Variants in KIF14 observed in about 807,000 individuals in gnomAD.
KIF14 encodes kinesin family member 14.
KIF14 carries 98 observed loss-of-function variants against 176.2 expected under a neutral mutation model. The ratio of observed to expected loss-of-function variants is 0.56; its 90% CI spans 0.47 to 0.66. The LOEUF (loss-of-function observed/expected upper bound fraction) is 0.66, where lower values mean the gene tolerates loss of function less well. KIF14 is among the 30% of genes least tolerant of loss of function. The pLI, the probability that KIF14 is intolerant of heterozygous loss-of-function variation, is 0.00. For missense variants in KIF14, 1,751 were observed against 1,920.4 expected (o/e 0.91, Z 1.65); for synonymous variants, 566 against 632.2 (o/e 0.90, Z 1.57).
rs1660515896 is a variant in KIF14, at chr1:200,618,340, A to C, written c.384T>G (p.Asp128Glu). 4.3e-6 allele frequency: 7 copies of C among 1,613,988 alleles called. No homozygotes were observed. The highest frequency in any genetic ancestry group is 1.6e-4 in the Middle Eastern group (1 of 6,062). ...CAGCTGTTTTCCACTTTTCTGCAGA[A>C]TCTGTTTTAGCACGACGTTGTAATG... ...RLTLQRRAKT[D>E]SAEKWKTAEI... Residue 128 changes from aspartate to glutamate, a missense_variant, in exon 2 of 30, where the codon GAT (aspartate) becomes GAG (glutamate). By Grantham distance (45) the Asp-to-Glu change is conservative. Transcript: ENST00000367350.
intron 23 of KIF14, among the ~76,000 whole-genome samples, chr1:200,566,921 T>C (rs1657487201): frequency 6.6e-6 from 1 of 152,088 alleles, no homozygotes. Flanking sequence ...ATGCCTGTAA[T>C]CCCAGCACTT....
At position 200,565,547 on chromosome 1, in the gene KIF14, TTC is replaced by T; in HGVS notation, c.3782_3783del (p.Arg1261AsnfsTer8). 6.2e-7 allele frequency: 1 copy of T among 1,611,684 alleles called. No homozygotes were observed. The highest frequency in any genetic ancestry group is 8.5e-7 in the Non-Finnish European group (1 of 1,179,394). Reference protein sequence around the residue: ...DFFGQSYDEERTIADSLINSF... With the variant: ...DFFGQSYDEEXTIADSLINSF... ...CTATTAATTAGGCTGTCTGCTATAG[TTC>T]TTTCTTCATCATAACTCTGTCCAAA... On this transcript the variant is annotated frameshift_variant, in exon 24 of 30. Coordinates refer to ENST00000367350, the MANE Select transcript of KIF14 (RefSeq NM_014875.3). LOFTEE classifies it high-confidence loss of function.
intron 25 of KIF14, among the ~76,000 whole-genome samples, chr1:200,561,103 CGCCTATATCCT>C (rs1657121447): frequency 6.6e-6 from 1 of 151,898 alleles, no homozygotes; most frequent in South Asian, 2.1e-4. Context: ...TAGTGGCACA[CGCCTATATCCT>C]AGCTACTCAG....
chr1:200,594,327 A>G, intron 14 of KIF14, among the ~76,000 whole-genome samples: 1 of 138,080 alleles, frequency 7.2e-6, no homozygotes, highest in Non-Finnish European at 1.5e-5. Flanking sequence ...GTGTATTTTT[A>G]TTATAACTTC....
intron 25 of KIF14, among the ~76,000 whole-genome samples, chr1:200,564,588 A>G (rs1657342088): frequency 6.6e-6 from 1 of 152,196 alleles, no homozygotes; most frequent in South Asian, 2.1e-4. Context: ...ATTGTGGCCA[A>G]TTCAGTCTGA....
chr1:200,615,714 G>A lies in KIF14; in HGVS notation c.1113-105C>T, dbSNP rs1031182918. ...CAAAACTATTTAAACAATCTTCCAA[G>A]GCAAGATAATTCTGTAGTTTTATGT... On this transcript the variant is annotated intron_variant, in intron 2 of 29. Transcript: ENST00000367350. 11 of 997,656 alleles carry A rather than the reference G, an allele frequency of 1.1e-5. No homozygotes were observed. The Admixed American group carries it at 2.1e-4, about 19-fold the overall frequency. The allele number at this position is 997,656 out of a possible 1,614,324, so 61.8% of individuals were successfully genotyped here. A position where few individuals can be genotyped will look rare whatever the true frequency, so the allele number is the denominator to read the frequency against.
chr1:200,604,911 G>A (rs914173592), intron 8 of KIF14, among the ~76,000 whole-genome samples: 5 of 151,850 alleles, frequency 3.3e-5, no homozygotes, highest in Admixed American at 3.3e-4. Flanking sequence ...ATCATATATT[G>A]ATATGATCAT....
intron 22 of KIF14, among the ~76,000 whole-genome samples, chr1:200,572,586 GC>G (rs1657867107): frequency 6.6e-6 from 1 of 152,040 alleles, no homozygotes; most frequent in Non-Finnish European, 1.5e-5. Flanking sequence ...CTTGTGATCC[GC>G]CCACCTTGGC....
At chr1:200,607,323 GAGA>G (rs1486147870) in intron 5 of KIF14, among the ~76,000 whole-genome samples, 1 of 152,010 alleles carries the variant, frequency 6.6e-6, no homozygotes, top group Non-Finnish European at 1.5e-5. Context: ...ATTTTCAGTA[GAGA>G]AGGAGTTTCA....
At chr1:200,614,527 TGG>T (rs907887164) in intron 3 of KIF14, 122 bp from the exon 4 acceptor site, 8 of 603,080 alleles carry the variant, frequency 1.3e-5, no homozygotes, top group African/African-American at 1.3e-4. Flanking sequence ...ATTAAGAATC[TGG>T]ACTCTGGAGT....
chr1:200,575,572 G>A lies in KIF14; in HGVS notation c.3566+19C>T, dbSNP rs1252552104. 1 of 1,481,988 alleles carries A rather than the reference G, an allele frequency of 6.7e-7. No individual in the cohort carries two copies. Among genetic ancestry groups the A allele is most frequent in the Non-Finnish European group, 9.3e-7 (1 of 1,077,334 alleles). The allele number at this position is 1,481,988 out of a possible 1,614,324, so 91.8% of individuals were successfully genotyped here. A position where few individuals can be genotyped will look rare whatever the true frequency, so the allele number is the denominator to read the frequency against. On this transcript the variant is annotated intron_variant, in intron 22 of 29. Transcript: ENST00000367350. ...GCACACACAAAGTGCAAGAAAACTA[G>A]TAACAAAATTGTCTTTACCTCCTTC...
intron 22 of KIF14, among the ~76,000 whole-genome samples, chr1:200,571,203 T>G (rs1657766598): frequency 6.6e-6 from 1 of 151,630 alleles, no homozygotes; most frequent in African/African-American, 2.4e-5. Flanking sequence ...TAGTCCCAGC[T>G]ACTCGGGAGG....
At chr1:200,568,058 T>C (rs887913172) in intron 23 of KIF14, among the ~76,000 whole-genome samples, 2 of 152,214 alleles carry the variant, frequency 1.3e-5, no homozygotes, top group African/African-American at 4.8e-5. Flanking sequence ...CCCTGAATTT[T>C]AGAAGTTAAG....
rs878901820 is a variant in KIF14 at position 200,565,722 on chromosome 1, C to CT, written c.3662-54dup. The CT allele has an allele frequency of 7.4e-5, 89 of 1,198,022 alleles. 1 individual carries two copies. The South Asian group carries it at 1.3e-3, about 17-fold the overall frequency. 74.2% of individuals were successfully genotyped at this position (1,198,022 alleles called of 1,614,324 possible). On this transcript the variant is annotated intron_variant, in intron 23 of 29. Transcript: ENST00000367350. ...AGCTTGTTTTCAGGAATAATACTTT[C>CT]TTTTTTAAAAAAAGGGATCCTTACT...
intron 27 of KIF14, among the ~76,000 whole-genome samples, chr1:200,557,095 C>T (rs1457972582): frequency 6.6e-6 from 1 of 152,198 alleles, no homozygotes; most frequent in East Asian, 1.9e-4. Flanking sequence ...CATCCACCTC[C>T]CAGGTTCAAG....
intron 12 of KIF14, 119 bp downstream of exon 12, chr1:200,600,237 G>A: frequency 8.3e-7 from 1 of 1,211,942 alleles, no homozygotes; most frequent in Non-Finnish European, 1.2e-6. Context: ...TAATCTGGGA[G>A]TGGGCTGCTC....
chr1:200,581,761 CTTTTTTTT>C (rs66935478), intron 19 of KIF14, among the ~76,000 whole-genome samples: 1 of 83,048 alleles, frequency 1.2e-5, no homozygotes, highest in Admixed American at 1.5e-4. Context: ...TTTCACTTTC[CTTTTTTTT>C]TTTTTTTTTT....
At chr1:200,587,533 G>C (rs949602581) in intron 18 of KIF14, among the ~76,000 whole-genome samples, 1 of 152,100 alleles carries the variant, frequency 6.6e-6, no homozygotes, top group Non-Finnish European at 1.5e-5. Context: ...ATTGTTTTGG[G>C]GCCGGGTGCG....
chr1:200,605,899 T>A lies in KIF14; in HGVS notation c.1608-5A>T, dbSNP rs1659857359. 6.6e-7 allele frequency: 1 copy of A among 1,519,292 alleles called. No homozygotes were observed. Among genetic ancestry groups the A allele is most frequent in the African/African-American group, 1.4e-5 (1 of 70,052 alleles). 94.1% of individuals were successfully genotyped at this position (1,519,292 alleles called of 1,614,324 possible). A position where few individuals can be genotyped will look rare whatever the true frequency, so the allele number is the denominator to read the frequency against. On this transcript the variant is annotated splice_polypyrimidine_tract_variant and splice_region_variant and intron_variant, in intron 6 of 29. Transcript: ENST00000367350. ...GCGTAAGAACTGACAATGTTCCTAT[T>A]TTTAAGAAGTGAAAAGACAAAATCA...
Sources: gnomAD v4.1 joint callset for allele counts (sites outside exome capture counted in the v4.1 genomes callset) on GRCh38, gnomAD v4.1.1 for gene constraint, MANE v1.5 for transcripts, NCBI Gene and HGNC (gene_info 2026-07-23, HGNC 2026-07-21) for gene names.